The following TTLL9 variants were observed in gnomAD, a reference collection of about 807,000 sequenced individuals.
TTLL9 encodes the protein tubulin tyrosine ligase like 9.
A neutral mutation model predicts 65.6 loss-of-function variants in TTLL9; 47 were observed. That is an observed-to-expected ratio of 0.72 (90% CI 0.57 to 0.91). The LOEUF is 0.91. Ranked by LOEUF, TTLL9 falls within the 40% of genes least tolerant of loss-of-function variation. TTLL9 has a pLI of 0.00. For synonymous variants in TTLL9, 179 were observed against 204.8 expected (o/e 0.87, Z 1.07); for missense variants, 537 against 568.8 (o/e 0.94, Z 0.57).
rs2062912162 is a variant in TTLL9 at position 31,870,800 on chromosome 20, T to TC, written c.-150dup. Reference sequence around the variant, plus strand: ...CCCCCGGCCGGCCCACAAACTCCCGTCCCCCTTCCGGCTCTGCCTGGACGT... The same window carrying TC: ...CCCCCGGCCGGCCCACAAACTCCCGTCCCCCCTTCCGGCTCTGCCTGGACGT... On this transcript the variant is annotated 5_prime_UTR_variant, in exon 1 of 15. An upstream open reading frame in the 5' UTR loses its in-frame stop. Coordinates refer to ENST00000535842, the MANE Select transcript of TTLL9 (RefSeq NM_001008409.5). The surrounding 1 kb of genome is among the most constrained non-coding windows in gnomAD (Gnocchi z 6.6). 2 of 492,094 alleles carry TC rather than the reference T, an allele frequency of 4.1e-6. No individual in the cohort carries two copies. The highest frequency in any genetic ancestry group is 7.0e-6 in the Non-Finnish European group (2 of 285,228). The allele number at this position is 492,094 out of a possible 1,614,324, so 30.5% of individuals were successfully genotyped here. A position where few individuals can be genotyped will look rare whatever the true frequency, so the allele number is the denominator to read the frequency against.
chr20:31,939,913 C>T (rs2064176934), intron 14 of TTLL9: 1 of 152,188 alleles, frequency 6.6e-6, no homozygotes, highest in Non-Finnish European at 1.5e-5. Flanking sequence ...TCTCCTGCCT[C>T]TTGGCAGAGT....
chr20:31,878,288 A>G (rs2063065232), intron 2 of TTLL9, among the ~76,000 whole-genome samples: 1 of 152,240 alleles, frequency 6.6e-6, no homozygotes. Context: ...ATGGACATCT[A>G]TTTCAGAAGG....
intron 2 of TTLL9, among the ~76,000 whole-genome samples, chr20:31,878,526 T>G (rs1218724749): frequency 1.6e-4 from 24 of 152,266 alleles, no homozygotes; most frequent in Non-Finnish European, 3.2e-4. Context: ...CAGCATCCAG[T>G]ACTATTTGCA....
At chr20:31,892,733 G>C (rs1329683152) in intron 3 of TTLL9, among the ~76,000 whole-genome samples, 1 of 152,124 alleles carries the variant, frequency 6.6e-6, no homozygotes, top group East Asian at 1.9e-4. Context: ...GAATACTTGA[G>C]ACCACACTTC....
chr20:31,885,666 C>T (rs1600526734), intron 2 of TTLL9, among the ~76,000 whole-genome samples: 1 of 152,190 alleles, frequency 6.6e-6, no homozygotes, highest in South Asian at 2.1e-4. Flanking sequence ...TCCTCTCCGC[C>T]GCTCTTTGAG....
At chr20:31,896,526 T>G (rs546558570) in intron 3 of TTLL9, among the ~76,000 whole-genome samples, 22 of 152,256 alleles carry the variant, frequency 1.4e-4, no homozygotes, top group East Asian at 7.7e-4. Context: ...CATTGTTTTT[T>G]TTGTTGTTGT....
At chr20:31,913,734 T>C (rs2063690549) in intron 6 of TTLL9, among the ~76,000 whole-genome samples, 2 of 152,206 alleles carry the variant, frequency 1.3e-5, no homozygotes, top group African/African-American at 4.8e-5. Context: ...TTGGAGCTTT[T>C]AGGGGAATAT....
At chr20:31,889,038 GCA>G (rs3220144) in intron 3 of TTLL9, among the ~76,000 whole-genome samples, 24,677 of 147,140 alleles carry the variant, frequency 0.17, 2,184 homozygotes, top group Non-Finnish European at 0.18. Context: ...TTTTATAAAG[GCA>G]CACACACACA....
At chr20:31,897,316 CTGTTAGT>C (rs1267962368) in intron 3 of TTLL9, among the ~76,000 whole-genome samples, 1 of 152,094 alleles carries the variant, frequency 6.6e-6, no homozygotes, top group Non-Finnish European at 1.5e-5. Flanking sequence ...GTGTGTAGAG[CTGTTAGT>C]AGCATTTCCT....
chr20:31,936,246 T>C (rs2064107474), intron 12 of TTLL9, among the ~76,000 whole-genome samples: 1 of 152,146 alleles, frequency 6.6e-6, no homozygotes, highest in African/African-American at 2.4e-5. Flanking sequence ...CTTTAGACTG[T>C]TTTTGTTTTT....
chr20:31,930,166 T>C (rs2063983558), intron 10 of TTLL9, among the ~76,000 whole-genome samples: 1 of 152,054 alleles, frequency 6.6e-6, no homozygotes, highest in African/African-American at 2.4e-5. Context: ...TTTACCCTCC[T>C]ATTGACTGGT....
chr20:31,941,438 C>T (rs2064207816), intron 14 of TTLL9, among the ~76,000 whole-genome samples: 1 of 152,108 alleles, frequency 6.6e-6, no homozygotes, highest in Admixed American at 6.5e-5. Context: ...TTGGAATCAC[C>T]TGGGAGCTTT....
intron 4 of TTLL9, among the ~76,000 whole-genome samples, chr20:31,902,898 C>G (rs534882812): frequency 6.6e-6 from 1 of 152,250 alleles, no homozygotes; most frequent in South Asian, 2.1e-4. Context: ...GGGTCTCTCT[C>G]TGTCACCTAG....
chr20:31,873,723 AAAGAAAG>A (rs2062980058), intron 2 of TTLL9, among the ~76,000 whole-genome samples: 1 of 146,734 alleles, frequency 6.8e-6, no homozygotes, highest in Admixed American at 6.9e-5. Context: ...AGAAAGAAAG[AAAGAAAG>A]AAAGAAAAAG....
chr20:31,922,933 A>G, intron 7 of TTLL9, 30 bp from the exon 8 acceptor site: 1 of 1,549,974 alleles, frequency 6.5e-7, no homozygotes, highest in Non-Finnish European at 8.9e-7. Context: ...CCATAAATAA[A>G]TGTTCAATTA....
intron 13 of TTLL9, 63 bp from the exon 14 acceptor site, chr20:31,939,079 C>A: frequency 6.7e-7 from 1 of 1,489,070 alleles, no homozygotes; most frequent in Non-Finnish European, 8.9e-7. Context: ...AGGGACCTCA[C>A]TTGGGTCTTA....
intron 2 of TTLL9, 74 bp from the exon 3 acceptor site, chr20:31,887,122 C>A: frequency 6.7e-7 from 1 of 1,484,108 alleles, no homozygotes; most frequent in Non-Finnish European, 9.4e-7. Flanking sequence ...ATTTTAATAT[C>A]TGCAGTAAGT....
chr20:31,874,455 A>C (rs570303789), intron 2 of TTLL9, among the ~76,000 whole-genome samples: 31 of 136,820 alleles, frequency 2.3e-4, no homozygotes, highest in Non-Finnish European at 4.4e-4. Flanking sequence ...TCTGTCGCCC[A>C]GGCTGGAGTG....
At chr20:31,873,770 GAAAGAAAGAAAGAA>G (rs2062985442) in intron 2 of TTLL9, among the ~76,000 whole-genome samples, 1 of 124,186 alleles carries the variant, frequency 8.1e-6, no homozygotes, top group Non-Finnish European at 1.8e-5. Context: ...GAAAGAAAGA[GAAAGAAAGAAAGAA>G]AAAGAAAGAA....
Sources: gnomAD v4.1 joint callset for allele counts (sites outside exome capture counted in the v4.1 genomes callset) on GRCh38, gnomAD v4.1.1 for gene constraint, Gnocchi (gnomAD v3.1) non-coding constraint, MANE v1.5 for transcripts, NCBI Gene and HGNC (gene_info 2026-07-23, HGNC 2026-07-21) for gene names.